WDPCP: variants seen among roughly 807,000 people sequenced by gnomAD.
WDPCP encodes WD repeat-containing and planar cell polarity effector protein fritz homolog.
WDPCP carries 71 observed loss-of-function variants against 93.1 expected under a neutral mutation model. The observed-to-expected ratio is 0.76, with a 90% CI of 0.63 to 0.93. WDPCP has a LOEUF of 0.93. Ranked by LOEUF, WDPCP falls within the 40% of genes least tolerant of loss-of-function variation. WDPCP has a pLI of 0.00. For missense variants in WDPCP, 844 were observed against 887.4 expected (o/e 0.95, Z 0.62); for synonymous variants, 315 against 315.0 (o/e 1.00, Z 0.00).
intron 3 of WDPCP, chr2:63,607,285 C>T (rs138537046): frequency 7.4e-5 from 13 of 175,374 alleles, no homozygotes; most frequent in African/African-American, 2.9e-4. Flanking sequence ...ACCTGTAATC[C>T]CAGCACTTTG....
intron 14 of WDPCP, among the ~76,000 whole-genome samples, chr2:63,203,684 G>A (rs969989895): frequency 6.6e-6 from 1 of 151,934 alleles, no homozygotes; most frequent in Non-Finnish European, 1.5e-5. Context: ...ATCCTTCTAC[G>A]CTATCTGAGT....
chr2:63,298,933 A>T (rs575680038), intron 13 of WDPCP, among the ~76,000 whole-genome samples: 1 of 152,290 alleles, frequency 6.6e-6, no homozygotes, highest in South Asian at 2.1e-4. Flanking sequence ...GTGGTCCCCA[A>T]TGTCCTGTCT....
chr2:63,278,075 G>A (rs1173718377), intron 13 of WDPCP, among the ~76,000 whole-genome samples: 1 of 152,126 alleles, frequency 6.6e-6, no homozygotes, highest in Non-Finnish European at 1.5e-5. Flanking sequence ...TCAGACAACA[G>A]TGGAATAAAA....
At chr2:63,364,185 A>G (rs1690710035) in intron 12 of WDPCP, among the ~76,000 whole-genome samples, 1 of 152,088 alleles carries the variant, frequency 6.6e-6, no homozygotes, top group African/African-American at 2.4e-5. Context: ...TAAGTCTTCT[A>G]TTTACATTCA....
chr2:63,279,177 C>T (rs1683318075), intron 13 of WDPCP, among the ~76,000 whole-genome samples: 1 of 152,062 alleles, frequency 6.6e-6, no homozygotes, highest in African/African-American at 2.4e-5. Flanking sequence ...AAGGACATAA[C>T]AAAAAATGAA....
chr2:63,217,929 G>T (rs1360925800), intron 14 of WDPCP, among the ~76,000 whole-genome samples: 1 of 152,156 alleles, frequency 6.6e-6, no homozygotes, highest in Non-Finnish European at 1.5e-5. Flanking sequence ...CCTTGATAAA[G>T]ATTAGGCTAT....
At chr2:63,238,513 T>A (rs1307695560) in intron 14 of WDPCP, among the ~76,000 whole-genome samples, 5 of 152,192 alleles carry the variant, frequency 3.3e-5, no homozygotes, top group Admixed American at 6.5e-5. Flanking sequence ...GAAATATGAA[T>A]ATAGATCATG....
intron 14 of WDPCP, among the ~76,000 whole-genome samples, chr2:63,183,790 ACT>A (rs1453254072): frequency 6.6e-6 from 1 of 151,800 alleles, no homozygotes; most frequent in African/African-American, 2.4e-5. Context: ...TTGTTTTGTG[ACT>A]CTGACTGCTC....
At chr2:63,825,306 T>C (rs987903077) in intron 1 of WDPCP, among the ~76,000 whole-genome samples, 8 of 152,168 alleles carry the variant, frequency 5.3e-5, no homozygotes, top group Admixed American at 2.0e-4. Context: ...TCTTATCTTC[T>C]GACTTAGCAC....
chr2:63,828,340 G>C, upstream of WDPCP, among the ~76,000 whole-genome samples: 1 of 151,924 alleles, frequency 6.6e-6, no homozygotes, highest in Non-Finnish European at 1.5e-5. Flanking sequence ...TCCTCAGAGA[G>C]GGCTTCCCTG....
At chr2:63,589,198 C>T (rs1439847207), upstream of WDPCP, 5 of 1,592,504 alleles carry the variant, frequency 3.1e-6, no homozygotes, top group East Asian at 9.1e-5. Flanking sequence ...GGGATTGCCG[C>T]AGTGACCCAG....
chr2:63,534,492 C>T (rs571529033), intron 1 of WDPCP, among the ~76,000 whole-genome samples: 4 of 152,278 alleles, frequency 2.6e-5, no homozygotes, highest in African/African-American at 7.2e-5. Context: ...TCCAGCAGCA[C>T]ATCAAAAAGC....
chr2:63,285,495 G>A, intron 13 of WDPCP, among the ~76,000 whole-genome samples: 1 of 148,698 alleles, frequency 6.7e-6, no homozygotes. Flanking sequence ...AGATGAAAAA[G>A]CAGGAATCAA....
intron 3 of WDPCP, among the ~76,000 whole-genome samples, chr2:63,640,923 A>G (rs1362694958): frequency 6.6e-6 from 1 of 152,120 alleles, no homozygotes; most frequent in Non-Finnish European, 1.5e-5. Context: ...ATGCTTTCGA[A>G]CTATTTTTTG....
chr2:63,679,817 C>T (rs1710470226), intron 2 of WDPCP, among the ~76,000 whole-genome samples: 2 of 152,110 alleles, frequency 1.3e-5, no homozygotes, highest in South Asian at 2.1e-4. Flanking sequence ...ATCAATAGCC[C>T]TCTATGGAAA....
intron 3 of WDPCP, among the ~76,000 whole-genome samples, chr2:63,607,895 G>C (rs1477498398): frequency 4.6e-5 from 7 of 151,548 alleles, no homozygotes; most frequent in Non-Finnish European, 8.8e-5. Context: ...ATAATTTTGA[G>C]ATAGATATAT....
intron 2 of WDPCP, among the ~76,000 whole-genome samples, chr2:63,705,467 G>A (rs1158591714): frequency 1.3e-5 from 2 of 152,058 alleles, no homozygotes; most frequent in Non-Finnish European, 2.9e-5. Context: ...ACACTGCTTT[G>A]AATGTGTCCC....
chr2:63,426,201 G>A (rs1298759704), intron 9 of WDPCP, among the ~76,000 whole-genome samples: 2 of 152,112 alleles, frequency 1.3e-5, no homozygotes, highest in African/African-American at 2.4e-5. Context: ...TTAGCTGGGC[G>A]TGGTGGCGCA....
intron 3 of WDPCP, chr2:63,597,532 C>A: frequency 6.7e-7 from 1 of 1,503,526 alleles, no homozygotes; most frequent in Non-Finnish European, 8.9e-7. Flanking sequence ...TCTTCAAATC[C>A]CAGGGTGCAG....
Sources: allele counts gnomAD v4.1 joint callset (sites outside exome capture counted in the v4.1 genomes callset), GRCh38; gene constraint gnomAD v4.1.1; transcripts MANE v1.5; gene names NCBI Gene and HGNC (gene_info 2026-07-23, HGNC 2026-07-21).